Variants in RGMB observed in about 807,000 individuals in gnomAD.
The protein encoded by RGMB is repulsive guidance molecule BMP co-receptor b.
A neutral mutation model predicts 26.9 loss-of-function variants in RGMB; 16 were observed. That is an observed-to-expected ratio of 0.60 (90% CI 0.40 to 0.90). RGMB has a LOEUF of 0.90. RGMB is among the 40% of genes least tolerant of loss of function. RGMB has a pLI of 0.00. For synonymous variants in RGMB, 225 were observed against 229.3 expected (o/e 0.98, Z 0.17); for missense variants, 512 against 573.3 (o/e 0.89, Z 1.09).
intron 1 of RGMB, among the ~76,000 whole-genome samples, chr5:98,775,139 G>A (rs1027878820): frequency 6.6e-6 from 1 of 151,866 alleles, no homozygotes; most frequent in Non-Finnish European, 1.5e-5. Context: ...TTTTTGTCCT[G>A]TATATATGAG....
intron 2 of RGMB, among the ~76,000 whole-genome samples, chr5:98,784,030 A>C (rs1746693750): frequency 6.6e-6 from 1 of 152,108 alleles, no homozygotes; most frequent in South Asian, 2.1e-4. Flanking sequence ...CCTACTGCAG[A>C]TCTTCTGCTA....
At chr5:98,789,538 C>G (rs1201623371) in intron 2 of RGMB, among the ~76,000 whole-genome samples, 2 of 151,950 alleles carry the variant, frequency 1.3e-5, no homozygotes, top group African/African-American at 2.4e-5. Context: ...TATTTCACAG[C>G]AAACCTTCGT....
At chr5:98,789,067 A>G (rs1746847385) in intron 2 of RGMB, among the ~76,000 whole-genome samples, 1 of 152,216 alleles carries the variant, frequency 6.6e-6, no homozygotes, top group Non-Finnish European at 1.5e-5. Flanking sequence ...ATTATATGAA[A>G]TAAAATTCAT....
At chr5:98,773,076 C>G (rs1384096367), upstream of RGMB, 3 of 152,116 alleles carry the variant, frequency 2.0e-5, no homozygotes, top group African/African-American at 7.2e-5. Context: ...CAACACCGCC[C>G]CGAGCTTGCT....
chr5:98,780,053 G>C lies in RGMB; in HGVS notation c.610G>C (p.Val204Leu), dbSNP rs1467817359. The stretch of plus-strand genomic sequence containing the variant: ...TTCAGTTCAAGTGACAAACGTACCT[G>C]TGGTCCCTGGATCCAGTGCTACTGC... ...YLSVQVTNVP[V>L]VPGSSATATN... The change falls in exon 2 of 3, where the codon GTG becomes CTG. Residue 204 changes from valine to leucine, a missense_variant. Transcript: ENST00000513185. The C allele has an allele frequency of 2.0e-5, 33 of 1,612,776 alleles. No individual in the cohort carries two copies. Among genetic ancestry groups the C allele is most frequent in the Non-Finnish European group, 2.6e-5 (31 of 1,179,872 alleles).
In RGMB at chr5:98,790,912, T is replaced by C. The variant is rs1027403689; in HGVS notation, c.646-2173T>C. Among the ~76,000 whole-genome samples, 10 of 152,370 alleles carry C rather than the reference T, an allele frequency of 6.6e-5. No individual in the cohort carries two copies. The South Asian group carries it at 2.1e-3, about 32-fold the overall frequency. On this transcript the variant is annotated intron_variant, in intron 2 of 2. Coordinates refer to ENST00000513185, the MANE Select transcript of RGMB (RefSeq NM_001366508.1). ...TACTAACTCTTATTTTAGCCATCTGTATTGTTGACTTTCAACTTTTTCAGG... is the reference window on the plus strand; with the variant it reads ...TACTAACTCTTATTTTAGCCATCTGCATTGTTGACTTTCAACTTTTTCAGG...
chr5:98,772,271 T>A (rs565071918), upstream of RGMB, among the ~76,000 whole-genome samples: 16 of 152,250 alleles, frequency 1.1e-4, no homozygotes, highest in African/African-American at 3.9e-4. Context: ...TAATGAAAAG[T>A]TACAGTAAAA....
At position 98,773,752 on chromosome 5, in the gene RGMB, C is replaced by T; in HGVS notation, c.-319C>T. The T allele has an allele frequency of 2.6e-6, 1 of 383,010 alleles. No homozygotes were observed. Among genetic ancestry groups the T allele is most frequent in the Middle Eastern group, 6.9e-4 (1 of 1,448 alleles). The allele number at this position is 383,010 out of a possible 1,614,324, so 23.7% of individuals were successfully genotyped here. Reference sequence around the variant, plus strand: ...CCCGCCGAGCCCACGCTGGCTGGGGCCGGGGTGCCGGCGCGCTCGGGACTC... The same window carrying T: ...CCCGCCGAGCCCACGCTGGCTGGGGTCGGGGTGCCGGCGCGCTCGGGACTC... On this transcript the variant is annotated 5_prime_UTR_variant, in exon 1 of 3. Transcript: ENST00000513185.
intron 2 of RGMB, among the ~76,000 whole-genome samples, chr5:98,787,338 C>G (rs1329214832): frequency 6.6e-6 from 1 of 152,160 alleles, no homozygotes; most frequent in Non-Finnish European, 1.5e-5. Flanking sequence ...CTAATCCCAT[C>G]GGTTTGGAGA....
chr5:98,787,658 T>C (rs1481047627), intron 2 of RGMB, among the ~76,000 whole-genome samples: 1 of 152,060 alleles, frequency 6.6e-6, no homozygotes, highest in Non-Finnish European at 1.5e-5. Context: ...AAGGGAGAGG[T>C]TCCATTTGGA....
chr5:98,786,517 T>A (rs985777569), intron 2 of RGMB, among the ~76,000 whole-genome samples: 14 of 152,244 alleles, frequency 9.2e-5, no homozygotes, highest in Non-Finnish European at 1.8e-4. Flanking sequence ...GTCCTTTTTT[T>A]GTTGGCTTCT....
chr5:98,774,033 C>CGCCCTCGCCGGA lies in RGMB; in HGVS notation c.-33_-22dup. ...AGACCCGCCACGGCGCCCGCGCCGC[C>CGCCCTCGCCGGA]GCCCTCGCCGGAGCCCACGAGACCT... On this transcript the variant is annotated 5_prime_UTR_variant, in exon 1 of 3. Coordinates refer to ENST00000513185, the MANE Select transcript of RGMB (RefSeq NM_001366508.1). 1 of 729,650 alleles carries CGCCCTCGCCGGA rather than the reference C, an allele frequency of 1.4e-6. No homozygotes were observed. The highest frequency in any genetic ancestry group is 2.3e-6 in the Non-Finnish European group (1 of 441,858). 45.2% of individuals were successfully genotyped at this position (729,650 alleles called of 1,614,324 possible).
At position 98,796,105 on chromosome 5, in the gene RGMB, A is replaced by G. The variant is rs1747112237; in HGVS notation, c.*2352A>G. 6.6e-6 allele frequency: 1 copy of G among 152,144 alleles called. No homozygotes were observed. Among genetic ancestry groups the G allele is most frequent in the Non-Finnish European group, 1.5e-5 (1 of 68,010 alleles). The allele number at this position is 152,144 out of a possible 1,614,324, so 9.4% of individuals were successfully genotyped here. On this transcript the variant is annotated 3_prime_UTR_variant, in exon 3 of 3. Coordinates refer to ENST00000513185, the MANE Select transcript of RGMB (RefSeq NM_001366508.1). The stretch of plus-strand genomic sequence containing the variant: ...ATTTCTCTACGTAAGGGCCAGGTTT[A>G]TTTTCTCCTTTTTTGAGATTTCTAG...
chr5:98,792,771 TAAA>T (rs5869833), intron 2 of RGMB: 168 of 121,882 alleles, frequency 1.4e-3, no homozygotes, highest in South Asian at 6.6e-3. Flanking sequence ...CCCTGTCACT[TAAA>T]AAAAAAAAAA....
chr5:98,770,703 G>A (rs1198713686), upstream of RGMB: 6 of 1,352,898 alleles, frequency 4.4e-6, no homozygotes, highest in South Asian at 6.6e-5. Context: ...TTCTCAAGTC[G>A]CCCGCTTGGC....
intron 2 of RGMB, among the ~76,000 whole-genome samples, chr5:98,792,565 C>T (rs374663380): frequency 1.3e-5 from 2 of 150,874 alleles, no homozygotes; most frequent in Non-Finnish European, 3.0e-5. Flanking sequence ...GAGGAACCCC[C>T]GACCTCCACC....
At chr5:98,788,548 A>G (rs896849553) in intron 2 of RGMB, among the ~76,000 whole-genome samples, 5 of 152,218 alleles carry the variant, frequency 3.3e-5, no homozygotes, top group Non-Finnish European at 7.3e-5. Flanking sequence ...TTCTAAATCA[A>G]TATACCTCTT....
At chr5:98,768,952 A>C (rs1746062049), upstream of RGMB, 1 of 152,168 alleles carries the variant, frequency 6.6e-6, no homozygotes, top group African/African-American at 2.4e-5. Flanking sequence ...GAGTGGGAAC[A>C]GCCCGCACGC....
intron 1 of RGMB, among the ~76,000 whole-genome samples, chr5:98,778,984 A>C (rs1746503950): frequency 6.6e-6 from 1 of 152,004 alleles, no homozygotes; most frequent in African/African-American, 2.4e-5. Context: ...GTTTCTTGGT[A>C]AACGTGCCTC....
Sources: allele counts gnomAD v4.1 joint callset (sites outside exome capture counted in the v4.1 genomes callset), GRCh38; gene constraint gnomAD v4.1.1; transcripts MANE v1.5; gene names NCBI Gene and HGNC (gene_info 2026-07-23, HGNC 2026-07-21).